Variants in THSD7B observed in about 807,000 individuals in gnomAD.
The protein encoded by THSD7B is thrombospondin type-1 domain-containing protein 7B.
Under a neutral mutation model 213.6 loss-of-function variants are expected in THSD7B, and 138 were observed. The observed-to-expected ratio is 0.65, with a 90% CI of 0.56 to 0.74. THSD7B has a LOEUF of 0.74. Ranked by LOEUF, THSD7B falls within the 30% of genes least tolerant of loss-of-function variation. The pLI is 0.00. For synonymous variants in THSD7B, 742 were observed against 687.0 expected (o/e 1.08, Z -1.25); for missense variants, 1,931 against 1,991.5 (o/e 0.97, Z 0.58).
intron 12 of THSD7B, among the ~76,000 whole-genome samples, chr2:137,358,718 G>C (rs1685188585): frequency 6.6e-6 from 1 of 152,164 alleles, no homozygotes; most frequent in African/African-American, 2.4e-5. Flanking sequence ...CTTGAGGTCA[G>C]ATGCCATATC....
At chr2:137,542,410 T>C (rs922853588) in intron 15 of THSD7B, among the ~76,000 whole-genome samples, 2 of 151,624 alleles carry the variant, frequency 1.3e-5, no homozygotes, top group African/African-American at 4.8e-5. Context: ...ACTGAGTATA[T>C]TAATTGCTAG....
Position 136,880,257 on chromosome 2 carries a change from A to C in THSD7B, c.-35-1887A>C, listed in dbSNP as rs550007205. ...CAAATGTAAAAGAACAGAAATTATA[A>C]CAAGCTATTTCTTTTCCTTGGCCAC... is the stretch of plus-strand genomic sequence containing the variant. On this transcript the variant is annotated intron_variant, in intron 1 of 27. Transcript: ENST00000409968. Among the ~76,000 whole-genome samples the C allele has an allele frequency of 2.6e-5, 4 of 152,296 alleles. No individual in the cohort carries two copies. In the East Asian group the frequency reaches 5.8e-4, roughly 22 times the overall value.
chr2:137,640,038 G>T (rs771006955), intron 20 of THSD7B, among the ~76,000 whole-genome samples: 1 of 152,142 alleles, frequency 6.6e-6, no homozygotes, highest in African/African-American at 2.4e-5. Flanking sequence ...TTTGAAATGT[G>T]AGGACATGAG....
intron 2 of THSD7B, among the ~76,000 whole-genome samples, chr2:137,018,571 C>T (rs961472666): frequency 1.7e-4 from 26 of 152,090 alleles, no homozygotes; most frequent in African/African-American, 5.8e-4. Flanking sequence ...TGGAAAATTC[C>T]ATTGTATACT....
chr2:137,466,605 C>T (rs986463041), intron 15 of THSD7B, among the ~76,000 whole-genome samples: 17 of 152,146 alleles, frequency 1.1e-4, no homozygotes, highest in African/African-American at 3.9e-4. Flanking sequence ...AGATTGGACA[C>T]GCCTACTCTA....
At chr2:137,089,914 C>T (rs779375604) in intron 3 of THSD7B, among the ~76,000 whole-genome samples, 131 of 151,516 alleles carry the variant, frequency 8.6e-4, no homozygotes, top group Non-Finnish European at 1.5e-3. Flanking sequence ...GGCTGAGACA[C>T]GAGAATTCCT....
At chr2:137,021,425 G>A (rs1686443811) in intron 2 of THSD7B, among the ~76,000 whole-genome samples, 1 of 152,072 alleles carries the variant, frequency 6.6e-6, no homozygotes. Flanking sequence ...TGTGCATTAA[G>A]TTTTTAATTT....
At chr2:137,079,284 C>T (rs1432239694) in intron 3 of THSD7B, among the ~76,000 whole-genome samples, 1 of 151,894 alleles carries the variant, frequency 6.6e-6, no homozygotes, top group African/African-American at 2.4e-5. Context: ...ATAATCTTTA[C>T]TATTTTTCTT....
intron 26 of THSD7B, 95 bp from the exon 27 acceptor site, chr2:137,667,679 T>C (rs1558877280): frequency 5.1e-6 from 5 of 977,254 alleles, no homozygotes; most frequent in Non-Finnish European, 7.7e-6. Flanking sequence ...GAACTGATGG[T>C]CAGCTTGGGG....
At chr2:137,276,492 T>C (rs1196144395) in intron 12 of THSD7B, among the ~76,000 whole-genome samples, 1 of 152,154 alleles carries the variant, frequency 6.6e-6, no homozygotes, top group Non-Finnish European at 1.5e-5. Flanking sequence ...ATACTCATCA[T>C]ATATCTTACA....
intron 15 of THSD7B, among the ~76,000 whole-genome samples, chr2:137,531,668 G>T (rs76763397): frequency 3.2e-4 from 48 of 152,042 alleles, no homozygotes; most frequent in African/African-American, 1.1e-3. Flanking sequence ...CTAATTTCAG[G>T]TGCTATGATT....
chr2:137,016,998 A>T (rs932243074), intron 2 of THSD7B, among the ~76,000 whole-genome samples: 3 of 152,150 alleles, frequency 2.0e-5, no homozygotes, highest in African/African-American at 7.2e-5. Flanking sequence ...TAGCACTCCC[A>T]TTATGTTGTA....
At chr2:136,812,551 A>G (rs62171209) in intron 1 of THSD7B, among the ~76,000 whole-genome samples, 15,826 of 152,304 alleles carry the variant, frequency 0.1, 1,135 homozygotes, top group Non-Finnish European at 0.16. Context: ...CTATTTATTG[A>G]GAAGTCTGTG....
chr2:136,837,877 T>A (rs1682868293), intron 1 of THSD7B, among the ~76,000 whole-genome samples: 1 of 152,178 alleles, frequency 6.6e-6, no homozygotes, highest in African/African-American at 2.4e-5. Context: ...TGGAGGAGCA[T>A]CTCATTTAAG....
chr2:136,853,644 G>A (rs1464458951), intron 1 of THSD7B, among the ~76,000 whole-genome samples: 5 of 152,108 alleles, frequency 3.3e-5, no homozygotes, highest in African/African-American at 7.2e-5. Flanking sequence ...AGATACTGCC[G>A]TATTATGCCA....
chr2:137,396,142 GT>G (rs1331911029), intron 12 of THSD7B, among the ~76,000 whole-genome samples: 1 of 145,584 alleles, frequency 6.9e-6, no homozygotes, highest in Non-Finnish European at 1.5e-5. Flanking sequence ...TTTTTGAAGG[GT>G]TTTTTGTGTC....
chr2:137,424,686 A>G (rs554702677), intron 14 of THSD7B, among the ~76,000 whole-genome samples: 1 of 152,218 alleles, frequency 6.6e-6, no homozygotes, highest in Admixed American at 6.5e-5. Flanking sequence ...AACATCCTTC[A>G]TAATAAAAAC....
intron 7 of THSD7B, among the ~76,000 whole-genome samples, chr2:137,177,958 C>G (rs973785537): frequency 6.6e-6 from 1 of 151,062 alleles, no homozygotes; most frequent in Non-Finnish European, 1.5e-5. Context: ...GTAATCCCAG[C>G]TATTCGGGAG....
intron 14 of THSD7B, among the ~76,000 whole-genome samples, chr2:137,414,434 T>C (rs1319528856): frequency 2.0e-5 from 3 of 152,002 alleles, no homozygotes; most frequent in African/African-American, 7.2e-5. Flanking sequence ...ATCCATGAAT[T>C]GGGGTATGGC....
Sources: allele counts gnomAD v4.1 joint callset (sites outside exome capture counted in the v4.1 genomes callset), GRCh38; gene constraint gnomAD v4.1.1; transcripts MANE v1.5; gene names NCBI Gene and HGNC (gene_info 2026-07-23, HGNC 2026-07-21).